The following CAST variants were observed in gnomAD, a reference collection of about 807,000 sequenced individuals.
CAST encodes the protein calpastatin.
CAST carries 76 observed loss-of-function variants against 119.6 expected under a neutral mutation model. The ratio of observed to expected loss-of-function variants is 0.64; its 90% CI spans 0.53 to 0.77. The LOEUF is 0.77. CAST is among the 30% of genes least tolerant of loss of function. The pLI is 0.00. For synonymous variants in CAST, 319 were observed against 331.6 expected (o/e 0.96, Z 0.41); for missense variants, 953 against 946.5 (o/e 1.01, Z -0.09).
intron 1 of CAST, chr5:96,584,601 G>C (rs935436526): frequency 6.6e-6 from 1 of 152,240 alleles, no homozygotes; most frequent in African/African-American, 2.4e-5. Flanking sequence ...TTAGAGGTCT[G>C]AAAAGGCAAG....
the CAST span, among the ~76,000 whole-genome samples, chr5:96,059,401 C>T: frequency 6.6e-6 from 1 of 152,110 alleles, no homozygotes; most frequent in Non-Finnish European, 1.5e-5. Context: ...TCTGGGTCCT[C>T]AGGAAGAAGT....
chr5:96,372,092 A>G, the CAST span, among the ~76,000 whole-genome samples: 204 of 152,294 alleles, frequency 1.3e-3, 1 homozygote, highest in African/African-American at 4.6e-3. Flanking sequence ...GTTCACCCCA[A>G]TTTTGGAAAT....
At chr5:96,609,481 A>G (rs1473397557) in intron 1 of CAST, among the ~76,000 whole-genome samples, 2 of 152,208 alleles carry the variant, frequency 1.3e-5, no homozygotes, top group African/African-American at 4.8e-5. Context: ...TTGATCCAGT[A>G]TGTCTGAGGT....
At chr5:96,494,307 G>C in the CAST span, among the ~76,000 whole-genome samples, 1 of 152,148 alleles carries the variant, frequency 6.6e-6, no homozygotes, top group Non-Finnish European at 1.5e-5. Context: ...AACTTTAAAA[G>C]AGCCAGAATT....
the CAST span, among the ~76,000 whole-genome samples, chr5:95,982,032 G>A: frequency 7.3e-5 from 11 of 151,572 alleles, no homozygotes; most frequent in South Asian, 2.3e-3. Context: ...CAAACCCATG[G>A]TTTTGATATT....
chr5:96,648,422 T>C (rs894729027), intron 1 of CAST, among the ~76,000 whole-genome samples: 1 of 151,784 alleles, frequency 6.6e-6, no homozygotes, highest in South Asian at 2.1e-4. Flanking sequence ...TTTAAGTTTA[T>C]ATATTTAAGT....
the CAST span, among the ~76,000 whole-genome samples, chr5:96,164,153 T>C: frequency 6.6e-6 from 1 of 152,182 alleles, no homozygotes; most frequent in African/African-American, 2.4e-5. Context: ...CACATACATA[T>C]GTTTTGGGGA....
At chr5:96,323,810 C>A in the CAST span, among the ~76,000 whole-genome samples, 1 of 152,124 alleles carries the variant, frequency 6.6e-6, no homozygotes, top group African/African-American at 2.4e-5. Context: ...AACCAGGGGC[C>A]CTGAAGAGAA....
intron 1 of CAST, among the ~76,000 whole-genome samples, chr5:96,555,604 A>G (rs1746223302): frequency 1.3e-5 from 2 of 152,166 alleles, no homozygotes. Context: ...GAAGGGTCCT[A>G]CGCCCATGGA....
the CAST span, among the ~76,000 whole-genome samples, chr5:96,193,634 G>A: frequency 6.6e-6 from 1 of 152,016 alleles, no homozygotes; most frequent in Non-Finnish European, 1.5e-5. Flanking sequence ...TGTAACTTGG[G>A]GTTGTATAAC....
At chr5:96,655,194 G>A (rs1580859751) in intron 1 of CAST, among the ~76,000 whole-genome samples, 1 of 152,152 alleles carries the variant, frequency 6.6e-6, no homozygotes, top group Admixed American at 6.5e-5. Context: ...CCTGATGGTG[G>A]GTAAACATGT....
chr5:96,620,537 G>A (rs1747583813), intron 1 of CAST, among the ~76,000 whole-genome samples: 1 of 152,084 alleles, frequency 6.6e-6, no homozygotes, highest in Non-Finnish European at 1.5e-5. Context: ...AGATGATTTT[G>A]TCCAACTGTA....
At chr5:96,395,044 T>C in the CAST span, 2 of 1,571,952 alleles carry the variant, frequency 1.3e-6, no homozygotes, top group East Asian at 4.5e-5. Flanking sequence ...TAAGCATACC[T>C]ACATTTAGTA....
the CAST span, among the ~76,000 whole-genome samples, chr5:96,096,190 G>A: frequency 6.6e-6 from 1 of 152,140 alleles, no homozygotes; most frequent in African/African-American, 2.4e-5. Flanking sequence ...ACTGTGCAGG[G>A]AACCTCCATG....
chr5:96,662,049 C>CT, upstream of CAST: 1 of 201,166 alleles, frequency 5.0e-6, no homozygotes, highest in Admixed American at 6.1e-5. Context: ...GTCCCGCTCT[C>CT]TCGTTGCACA....
At chr5:96,369,869 T>C in the CAST span, among the ~76,000 whole-genome samples, 17 of 152,182 alleles carry the variant, frequency 1.1e-4, no homozygotes, top group African/African-American at 3.6e-4. Flanking sequence ...TCAATTAGAA[T>C]GTAAAGTCAA....
At chr5:96,191,879 T>C in the CAST span, among the ~76,000 whole-genome samples, 2 of 151,514 alleles carry the variant, frequency 1.3e-5, no homozygotes, top group African/African-American at 4.9e-5. Context: ...GCTGATGGAA[T>C]TTTTTTAAAA....
At chr5:96,299,170 G>A in the CAST span, among the ~76,000 whole-genome samples, 7 of 151,842 alleles carry the variant, frequency 4.6e-5, no homozygotes, top group South Asian at 8.3e-4. Context: ...GCTTGAACCC[G>A]GGAAGCAGAG....
chr5:96,472,394 T>A, the CAST span, among the ~76,000 whole-genome samples: 1 of 152,176 alleles, frequency 6.6e-6, no homozygotes, highest in African/African-American at 2.4e-5. Context: ...AAGTATTGAT[T>A]GATTGGTTAA....
Sources: gnomAD v4.1 joint callset for allele counts (sites outside exome capture counted in the v4.1 genomes callset) on GRCh38, gnomAD v4.1.1 for gene constraint, MANE v1.5 for transcripts, NCBI Gene and HGNC (gene_info 2026-07-23, HGNC 2026-07-21) for gene names.